The following CLEC16A variants were observed in gnomAD, a reference collection of about 807,000 sequenced individuals.
The protein encoded by CLEC16A is C-type lectin domain containing 16A.
CLEC16A carries 51 observed loss-of-function variants against 109.5 expected under a neutral mutation model. The observed-to-expected ratio is 0.47, with a 90% CI of 0.37 to 0.59. CLEC16A has a LOEUF of 0.59. Among genes scored for constraint, CLEC16A ranks in the 20% least tolerant of loss-of-function variants. The pLI is 0.00. For missense variants in CLEC16A, 1,339 were observed against 1,394.0 expected, an observed-to-expected ratio of 0.96 and a Z score of 0.63; for synonymous variants, 673 against 564.2, an observed-to-expected ratio of 1.19 and a Z score of -2.73.
chr16:10,978,635 C>T (rs1015302285), intron 8 of CLEC16A, among the ~76,000 whole-genome samples: 4 of 152,046 alleles, frequency 2.6e-5, no homozygotes, highest in African/African-American at 9.7e-5. Context: ...CTTTCCTTTC[C>T]TCTTATTTCC....
chr16:11,149,842 C>G (rs1277905194), intron 22 of CLEC16A: 2 of 152,020 alleles, frequency 1.3e-5, no homozygotes, highest in African/African-American at 4.8e-5. Context: ...CCATCAGTTA[C>G]CACCCTTCCT....
At chr16:11,078,025 A>G (rs748244881) in intron 19 of CLEC16A, among the ~76,000 whole-genome samples, 1 of 151,438 alleles carries the variant, frequency 6.6e-6, no homozygotes, top group Non-Finnish European at 1.5e-5. Flanking sequence ...AGAAATGTAC[A>G]GAATACTGAG....
chr16:10,969,329 G>A lies in CLEC16A; in HGVS notation c.492+20G>A. ...AATGAGGTAAGTAATTGCCAGAGGGGCACGTGTGGGTGTAAAGCCACACGT... is the reference window on the plus strand; with the variant it reads ...AATGAGGTAAGTAATTGCCAGAGGGACACGTGTGGGTGTAAAGCCACACGT... On this transcript the variant is annotated intron_variant, in intron 4 of 23. Coordinates refer to ENST00000409790, the MANE Select transcript of CLEC16A (RefSeq NM_015226.3). The A allele has an allele frequency of 1.9e-6, 3 of 1,568,628 alleles. No homozygotes were observed. Among genetic ancestry groups the A allele is most frequent in the Non-Finnish European group, 2.6e-6 (3 of 1,161,382 alleles).
intron 22 of CLEC16A, among the ~76,000 whole-genome samples, chr16:11,147,024 C>A (rs544199925): frequency 6.6e-6 from 1 of 152,234 alleles, no homozygotes; most frequent in African/African-American, 2.4e-5. Flanking sequence ...GGGAAGGCTT[C>A]TCTGAGGAAA....
intron 22 of CLEC16A, among the ~76,000 whole-genome samples, chr16:11,163,705 G>T (rs142427775): frequency 1.4e-3 from 214 of 152,258 alleles, no homozygotes; most frequent in African/African-American, 4.8e-3. Flanking sequence ...CAAGAGAAAA[G>T]ACGTGTCTTC....
chr16:11,048,026 C>G, intron 17 of CLEC16A: 1 of 152,410 alleles, frequency 6.6e-6, no homozygotes, highest in Non-Finnish European at 1.5e-5. Flanking sequence ...CGTGGGGATT[C>G]TCATGTGTCT....
chr16:11,129,762 CTTTT>C (rs34035128), intron 22 of CLEC16A, among the ~76,000 whole-genome samples: 1 of 125,538 alleles, frequency 8.0e-6, no homozygotes, highest in Non-Finnish European at 1.6e-5. Context: ...GGCCTGGTTC[CTTTT>C]TTTTTTTTTT....
Position 11,051,590 on chromosome 16 carries a change from C to T in CLEC16A, c.1944C>T (p.Gly648=). 2 of 1,614,048 alleles carry T rather than the reference C, an allele frequency of 1.2e-6. No individual in the cohort carries two copies. Among genetic ancestry groups the T allele is most frequent in the Non-Finnish European group, 1.7e-6 (2 of 1,179,898 alleles). ...CCCCAACAGGCACGCCACTGACGGG[C>T]ATTGACTTCGTGAAGCGGCTGCCGT... is the stretch of plus-strand genomic sequence containing the variant. ...LLPPTGTPLT[G]IDFVKRLPCG... Residue 648 remains glycine, a synonymous_variant, in exon 18 of 24, where the codon GGC becomes GGT. Transcript: ENST00000409790.
At chr16:11,049,164 C>T (rs770645818) in intron 17 of CLEC16A, among the ~76,000 whole-genome samples, 6 of 152,050 alleles carry the variant, frequency 3.9e-5, no homozygotes, top group African/African-American at 7.2e-5. Context: ...CCCACTACTA[C>T]GCCCAGCTAA....
chr16:11,112,855 T>C (rs538205262), intron 19 of CLEC16A, among the ~76,000 whole-genome samples: 1 of 152,174 alleles, frequency 6.6e-6, no homozygotes, highest in Non-Finnish European at 1.5e-5. Flanking sequence ...CCATCCTACC[T>C]TTTGCCTGTG....
chr16:10,957,041 C>T (rs775918520), intron 1 of CLEC16A, among the ~76,000 whole-genome samples: 5 of 152,190 alleles, frequency 3.3e-5, no homozygotes, highest in Non-Finnish European at 7.3e-5. Context: ...AGGTGATCCA[C>T]CCACCTTGGC....
intron 2 of CLEC16A, among the ~76,000 whole-genome samples, chr16:10,959,098 A>C (rs892330238): frequency 4.0e-5 from 6 of 151,888 alleles, no homozygotes; most frequent in Admixed American, 1.3e-4. Flanking sequence ...ATTTTTGAAA[A>C]GTAAAAGTGT....
intron 18 of CLEC16A, 74 bp downstream of exon 18, chr16:11,051,715 GCTT>G: frequency 6.4e-7 from 1 of 1,572,482 alleles, no homozygotes; most frequent in Non-Finnish European, 8.7e-7. Context: ...GGAGGAAAGG[GCTT>G]CTTTGTCAAA....
At chr16:11,045,606 G>A (rs2047595460) in intron 16 of CLEC16A, among the ~76,000 whole-genome samples, 1 of 152,106 alleles carries the variant, frequency 6.6e-6, no homozygotes, top group Non-Finnish European at 1.5e-5. Context: ...GTCTTTCAGG[G>A]AAGGCTCATC....
intron 1 of CLEC16A, 27 bp from the exon 2 acceptor site, chr16:10,957,755 A>G (rs200739123): frequency 6.2e-7 from 1 of 1,612,790 alleles, no homozygotes; most frequent in Non-Finnish European, 8.5e-7. Context: ...GGTAACCTTT[A>G]ATTTCCTTTT....
chr16:11,020,049 C>G (rs962021470), intron 11 of CLEC16A, 144 bp from the exon 12 acceptor site: 16 of 851,070 alleles, frequency 1.9e-5, no homozygotes, highest in Admixed American at 1.0e-4. Context: ...CAGTGTGTCT[C>G]TGGTGTTCAG....
intron 22 of CLEC16A, among the ~76,000 whole-genome samples, chr16:11,140,319 T>C (rs1203686374): frequency 1.3e-5 from 2 of 152,156 alleles, no homozygotes; most frequent in Non-Finnish European, 2.9e-5. Context: ...AGAGTCAGTG[T>C]GGATGGAATG....
intron 19 of CLEC16A, among the ~76,000 whole-genome samples, chr16:11,102,351 A>G (rs1295566297): frequency 3.3e-5 from 5 of 152,152 alleles, no homozygotes; most frequent in African/African-American, 4.8e-5. Context: ...TAAAGCAGGG[A>G]ATTTGGTTTG....
At chr16:11,093,582 A>T (rs990653961) in intron 19 of CLEC16A, among the ~76,000 whole-genome samples, 1 of 152,186 alleles carries the variant, frequency 6.6e-6, no homozygotes, top group Non-Finnish European at 1.5e-5. Context: ...GAGTCACCAA[A>T]TGAATCTGTC....
Sources: gnomAD v4.1 joint callset for allele counts (sites outside exome capture counted in the v4.1 genomes callset) on GRCh38, gnomAD v4.1.1 for gene constraint, MANE v1.5 for transcripts, NCBI Gene and HGNC (gene_info 2026-07-23, HGNC 2026-07-21) for gene names.